The following ETV6 variants were observed in gnomAD, a reference collection of about 807,000 sequenced individuals.
ETV6 encodes ETS variant transcription factor 6.
ETV6 carries 16 observed loss-of-function variants against 51.1 expected under a neutral mutation model. The observed-to-expected ratio is 0.31, with a 90% CI of 0.21 to 0.48. ETV6 has a LOEUF of 0.48. Ranked by LOEUF, ETV6 falls within the 20% of genes least tolerant of loss-of-function variation. The pLI, the probability that ETV6 is intolerant of heterozygous loss-of-function variation, is 0.99. For missense variants in ETV6, 458 were observed against 594.8 expected (o/e 0.77, Z 2.39); for synonymous variants, 240 against 224.1 (o/e 1.07, Z -0.64).
intron 7 of ETV6, among the ~76,000 whole-genome samples, chr12:11,887,743 T>C (rs1240454103): frequency 1.5e-5 from 2 of 134,526 alleles, no homozygotes; most frequent in Admixed American, 1.5e-4. Context: ...CGAGACTCCA[T>C]CTCAAGAAAA....
intron 6 of ETV6, 93 bp from the exon 7 acceptor site, chr12:11,885,833 C>G: frequency 1.1e-6 from 1 of 910,044 alleles, no homozygotes; most frequent in East Asian, 2.6e-5. Context: ...AGCTGAAGAG[C>G]TTTTATTTTA....
intron 1 of ETV6, among the ~76,000 whole-genome samples, chr12:11,706,140 C>G (rs955665430): frequency 5.3e-5 from 8 of 152,238 alleles, no homozygotes; most frequent in African/African-American, 1.7e-4. Context: ...CATCTGAGTT[C>G]TTGATGTCCT....
At chr12:11,820,763 C>T (rs1050586272) in intron 2 of ETV6, among the ~76,000 whole-genome samples, 2 of 152,116 alleles carry the variant, frequency 1.3e-5, no homozygotes, top group African/African-American at 4.8e-5. Context: ...AAGACCTTGG[C>T]ATGAACTGTG....
chr12:11,875,687 C>T (rs1946972149), intron 5 of ETV6, among the ~76,000 whole-genome samples: 1 of 152,170 alleles, frequency 6.6e-6, no homozygotes, highest in Admixed American at 6.5e-5. Context: ...AGAGTCTAGC[C>T]TCGAGCTTCT....
chr12:11,839,450 AT>A, intron 3 of ETV6, 146 bp downstream of exon 3: 1 of 841,478 alleles, frequency 1.2e-6, no homozygotes, highest in Non-Finnish European at 1.8e-6. Flanking sequence ...TTGAAGGAAG[AT>A]TATGCTAGCA....
chr12:11,794,892 T>A (rs1004889427), intron 2 of ETV6, among the ~76,000 whole-genome samples: 2 of 152,240 alleles, frequency 1.3e-5, no homozygotes, highest in Non-Finnish European at 2.9e-5. Flanking sequence ...AAGAACCATG[T>A]CCTCTACTTC....
chr12:11,657,013 A>G (rs1461310308), intron 1 of ETV6, among the ~76,000 whole-genome samples: 2 of 152,130 alleles, frequency 1.3e-5, no homozygotes, highest in Non-Finnish European at 2.9e-5. Flanking sequence ...GGCTTGACCC[A>G]ACTCGCCTGT....
chr12:11,782,254 A>C (rs1426156127), intron 2 of ETV6, among the ~76,000 whole-genome samples: 1 of 152,102 alleles, frequency 6.6e-6, no homozygotes, highest in Admixed American at 6.5e-5. Flanking sequence ...CTTAGGCAAG[A>C]CATCTTCTTG....
At chr12:11,765,223 T>C (rs1270265024) in intron 2 of ETV6, among the ~76,000 whole-genome samples, 4 of 152,222 alleles carry the variant, frequency 2.6e-5, no homozygotes, top group Non-Finnish European at 5.9e-5. Context: ...TCCCTTGCTC[T>C]GTCTCCTGGT....
intron 1 of ETV6, among the ~76,000 whole-genome samples, chr12:11,688,973 T>C (rs1441969123): frequency 6.6e-6 from 1 of 152,186 alleles, no homozygotes; most frequent in Non-Finnish European, 1.5e-5. Context: ...TTAAATGACA[T>C]GGGCTTCTGA....
At chr12:11,714,386 A>G (rs1865230932) in intron 1 of ETV6, among the ~76,000 whole-genome samples, 1 of 152,148 alleles carries the variant, frequency 6.6e-6, no homozygotes, top group African/African-American at 2.4e-5. Flanking sequence ...GCACTTTCCA[A>G]AGTGATAGCT....
At chr12:11,859,350 C>T (rs1946680853) in intron 4 of ETV6, among the ~76,000 whole-genome samples, 1 of 151,716 alleles carries the variant, frequency 6.6e-6, no homozygotes, top group South Asian at 2.1e-4. Flanking sequence ...GCCGTGTTAG[C>T]CAGGATGGTC....
chr12:11,693,694 C>A (rs1864815966), intron 1 of ETV6, among the ~76,000 whole-genome samples: 1 of 152,164 alleles, frequency 6.6e-6, no homozygotes, highest in Admixed American at 6.5e-5. Flanking sequence ...ATTCTGCTAC[C>A]CACTTCTGGT....
chr12:11,861,265 G>A (rs1048689158), intron 4 of ETV6, among the ~76,000 whole-genome samples: 5 of 152,072 alleles, frequency 3.3e-5, no homozygotes, highest in African/African-American at 1.2e-4. Context: ...GGGCCCACGA[G>A]CACCACTTAA....
intron 2 of ETV6, among the ~76,000 whole-genome samples, chr12:11,757,940 C>T (rs1945031154): frequency 6.6e-6 from 1 of 152,174 alleles, no homozygotes; most frequent in African/African-American, 2.4e-5. Context: ...CCCGTTTGTT[C>T]TCTTGCGAGC....
chr12:11,874,588 A>G lies in ETV6; in HGVS notation c.1009+4619A>G, dbSNP rs1162459754. Reference sequence around the variant, plus strand: ...TGCGTGTGTACACATATATGTGTGTATACACATATATGTGTATGTGCGTGT... The same window carrying G: ...TGCGTGTGTACACATATATGTGTGTGTACACATATATGTGTATGTGCGTGT... On this transcript the variant is annotated intron_variant, in intron 5 of 7. Coordinates refer to ENST00000396373, the MANE Select transcript of ETV6 (RefSeq NM_001987.5). 4.0e-4 allele frequency among the ~76,000 whole-genome samples: 5 copies of G among 12,406 alleles called. 1 individual carries two copies. The highest frequency in any genetic ancestry group is 2.4e-3 in the Admixed American group (2 of 818). 8.1% of individuals were successfully genotyped at this position (12,406 alleles called of 152,430 possible).
chr12:11,694,298 G>A (rs2724609), intron 1 of ETV6, among the ~76,000 whole-genome samples: 3,787 of 152,148 alleles, frequency 0.025, 143 homozygotes, highest in African/African-American at 0.086. Context: ...CAGTGTCCTC[G>A]GTTGAAAAAT....
chr12:11,794,260 TGGAC>T (rs1422343759), intron 2 of ETV6, among the ~76,000 whole-genome samples: 3 of 152,186 alleles, frequency 2.0e-5, no homozygotes, highest in South Asian at 2.1e-4. Context: ...CTCTTGGAAC[TGGAC>T]ATTGGCTAAG....
chr12:11,672,097 T>A (rs1864329406), intron 1 of ETV6, among the ~76,000 whole-genome samples: 1 of 151,968 alleles, frequency 6.6e-6, no homozygotes, highest in African/African-American at 2.4e-5. Flanking sequence ...TGCACTCCAG[T>A]GGGGTGTTTC....
Sources: allele counts gnomAD v4.1 joint callset (sites outside exome capture counted in the v4.1 genomes callset), GRCh38; gene constraint gnomAD v4.1.1; transcripts MANE v1.5; gene names NCBI Gene and HGNC (gene_info 2026-07-23, HGNC 2026-07-21).